Variants in PTPRN2 observed in about 807,000 individuals in gnomAD.
PTPRN2 encodes the protein protein tyrosine phosphatase receptor type N2, also known as receptor-type tyrosine-protein phosphatase N2.
PTPRN2 carries 74 observed loss-of-function variants against 118.8 expected under a neutral mutation model. The ratio of observed to expected loss-of-function variants is 0.62; its 90% CI spans 0.52 to 0.76. The LOEUF (loss-of-function observed/expected upper bound fraction) is 0.76. PTPRN2 is among the 30% of genes least tolerant of loss of function. The pLI, the probability that PTPRN2 is intolerant of heterozygous loss-of-function variation, is 0.00. For synonymous variants in PTPRN2, 641 were observed against 608.0 expected (o/e 1.05, Z -0.80); for missense variants, 1,481 against 1,394.4 (o/e 1.06, Z -0.99).
chr7:157,812,253 C>A (rs1215247529), intron 12 of PTPRN2, among the ~76,000 whole-genome samples: 1 of 152,160 alleles, frequency 6.6e-6, no homozygotes, highest in Non-Finnish European at 1.5e-5. Flanking sequence ...GTGCTGGGAC[C>A]CTTGGGGCTT....
chr7:157,624,401 AC>A (rs1803447788), intron 14 of PTPRN2, among the ~76,000 whole-genome samples: 1 of 151,788 alleles, frequency 6.6e-6, no homozygotes, highest in African/African-American at 2.4e-5. Flanking sequence ...AGTCTGGGTG[AC>A]CAGAGTGAAA....
At chr7:158,343,415 G>A (rs1048771200) in intron 2 of PTPRN2, among the ~76,000 whole-genome samples, 7 of 152,180 alleles carry the variant, frequency 4.6e-5, no homozygotes, top group South Asian at 2.1e-4. Context: ...AAAATAACGC[G>A]TGTGGGTGAG....
chr7:157,782,939 T>G (rs1213557142), intron 12 of PTPRN2, among the ~76,000 whole-genome samples: 3 of 152,242 alleles, frequency 2.0e-5, no homozygotes, highest in Admixed American at 2.0e-4. Context: ...AAATCTCATC[T>G]TGAATTGTCC....
At chr7:158,201,148 T>C (rs553644216) in intron 4 of PTPRN2, among the ~76,000 whole-genome samples, 1 of 151,812 alleles carries the variant, frequency 6.6e-6, no homozygotes, top group African/African-American at 2.4e-5. Flanking sequence ...TCCCCCGGGC[T>C]CAGGTGATCC....
At chr7:158,250,110 A>T (rs1796562354) in intron 3 of PTPRN2, among the ~76,000 whole-genome samples, 1 of 152,204 alleles carries the variant, frequency 6.6e-6, no homozygotes, top group Non-Finnish European at 1.5e-5. Flanking sequence ...AGTATGGTAC[A>T]TCAGCTCTAA....
At chr7:158,162,648 C>CGTCACCTGTTGTCCTGCAA (rs1481936156) in intron 6 of PTPRN2, among the ~76,000 whole-genome samples, 1 of 152,122 alleles carries the variant, frequency 6.6e-6, no homozygotes, top group Non-Finnish European at 1.5e-5. Flanking sequence ...GGCCACTGCA[C>CGTCACCTGTTGTCCTGCAA]GTCACCTGTT....
intron 3 of PTPRN2, among the ~76,000 whole-genome samples, chr7:158,302,858 T>C (rs750461980): frequency 2.0e-4 from 31 of 152,280 alleles, no homozygotes; most frequent in African/African-American, 2.4e-4. Context: ...TACTCTTTTA[T>C]GAGAGAACTT....
chr7:157,730,638 A>C (rs1214373528), intron 12 of PTPRN2, among the ~76,000 whole-genome samples: 1 of 152,224 alleles, frequency 6.6e-6, no homozygotes, highest in East Asian at 1.9e-4. Flanking sequence ...TTCACGATGA[A>C]GGGTATGACC....
At chr7:157,777,441 G>A (rs988765521) in intron 12 of PTPRN2, among the ~76,000 whole-genome samples, 3 of 145,252 alleles carry the variant, frequency 2.1e-5, no homozygotes, top group Non-Finnish European at 3.1e-5. Flanking sequence ...TCTTGATGCC[G>A]GAGGACACGC....
At chr7:157,906,945 A>G (rs1797804626) in intron 11 of PTPRN2, among the ~76,000 whole-genome samples, 1 of 152,180 alleles carries the variant, frequency 6.6e-6, no homozygotes, top group Non-Finnish European at 1.5e-5. Context: ...ACGTGCAGTG[A>G]CACTTCAGTC....
chr7:158,521,183 A>G (rs1340878871), intron 1 of PTPRN2, among the ~76,000 whole-genome samples: 2 of 152,026 alleles, frequency 1.3e-5, no homozygotes, highest in Non-Finnish European at 2.9e-5. Context: ...GTTATTTTAT[A>G]TTTTTTTCCC....
intron 15 of PTPRN2, among the ~76,000 whole-genome samples, chr7:157,608,141 C>T (rs1483771338): frequency 1.3e-5 from 2 of 152,194 alleles, no homozygotes; most frequent in Non-Finnish European, 2.9e-5. Flanking sequence ...AATATTGGAT[C>T]ACTGCAACCT....
At chr7:157,678,501 G>A (rs1478062044) in intron 13 of PTPRN2, among the ~76,000 whole-genome samples, 1 of 152,176 alleles carries the variant, frequency 6.6e-6, no homozygotes, top group Admixed American at 6.5e-5. Context: ...TTCTGCACCG[G>A]GGGTAAGAAG....
chr7:158,309,133 G>T (rs1320374949), intron 3 of PTPRN2, among the ~76,000 whole-genome samples: 1 of 152,188 alleles, frequency 6.6e-6, no homozygotes, highest in African/African-American at 2.4e-5. Context: ...TGATGTGATG[G>T]TTAATATTGA....
At chr7:157,866,556 C>G (rs1410913726) in intron 12 of PTPRN2, among the ~76,000 whole-genome samples, 1 of 152,098 alleles carries the variant, frequency 6.6e-6, no homozygotes, top group Non-Finnish European at 1.5e-5. Flanking sequence ...CTTGCCATGA[C>G]AACCATGAGG....
chr7:158,271,348 C>T (rs1025647474), intron 3 of PTPRN2, among the ~76,000 whole-genome samples: 1 of 152,252 alleles, frequency 6.6e-6, no homozygotes. Context: ...CGACAATCGG[C>T]AGATCCATAC....
chr7:158,170,932 CTAT>C (rs1225551160), intron 5 of PTPRN2, among the ~76,000 whole-genome samples: 2 of 151,392 alleles, frequency 1.3e-5, no homozygotes, highest in South Asian at 2.1e-4. Flanking sequence ...ATGACTACTA[CTAT>C]TATTACAATT....
In PTPRN2 at chr7:158,526,507, T is replaced by TGACTC. The variant is rs59279379; in HGVS notation, c.113-36727_113-36723dup. 0.032 allele frequency among the ~76,000 whole-genome samples: 4,916 copies of TGACTC among 152,236 alleles called. 273 individuals are homozygous for TGACTC. The highest frequency in any genetic ancestry group is 0.11 in the African/African-American group (4,651 of 41,510). On this transcript the variant is annotated intron_variant, in intron 1 of 22. Coordinates refer to ENST00000389418, the MANE Select transcript of PTPRN2 (RefSeq NM_002847.5). This position sits in a 1 kb window ranked among gnomAD's most constrained non-coding sequence, Gnocchi z 5.2. ...CATGCTGGACTGTGGCTTGGGAAAC[T>TGACTC]GACTCGGTTGTTCTCCATTCCTGAT...
At chr7:157,888,687 G>A (rs1236092409) in intron 12 of PTPRN2, among the ~76,000 whole-genome samples, 1 of 152,168 alleles carries the variant, frequency 6.6e-6, no homozygotes, top group Non-Finnish European at 1.5e-5. Flanking sequence ...CTTCACGGAT[G>A]TCTGATGACT....
Sources: gnomAD v4.1 joint callset for allele counts (sites outside exome capture counted in the v4.1 genomes callset) on GRCh38, gnomAD v4.1.1 for gene constraint, Gnocchi (gnomAD v3.1) non-coding constraint, MANE v1.5 for transcripts, NCBI Gene and HGNC (gene_info 2026-07-23, HGNC 2026-07-21) for gene names.